ABLIM2: variants seen among roughly 807,000 people sequenced by gnomAD.
ABLIM2 encodes the protein actin-binding LIM protein 2.
ABLIM2 carries 53 observed loss-of-function variants against 97.7 expected under a neutral mutation model. The observed-to-expected ratio is 0.54, with a 90% CI of 0.44 to 0.68. The LOEUF is 0.68. ABLIM2 is among the 30% of genes least tolerant of loss of function. ABLIM2 has a pLI of 0.00. For missense variants in ABLIM2, 835 were observed against 867.2 expected, an observed-to-expected ratio of 0.96 and a Z score of 0.47; for synonymous variants, 361 against 345.8, an observed-to-expected ratio of 1.04 and a Z score of -0.49.
chr4:8,119,319 T>C (rs1844217693), intron 1 of ABLIM2, among the ~76,000 whole-genome samples: 2 of 141,036 alleles, frequency 1.4e-5, no homozygotes. Context: ...GTCTCGGGCT[T>C]CCTTCTTTTT....
chr4:8,140,979 G>T lies in ABLIM2; in HGVS notation c.10+17701C>A, dbSNP rs1850889219. On this transcript the variant is annotated intron_variant, in intron 1 of 20. Transcript: ENST00000447017. The surrounding 1 kb of genome is among the most constrained non-coding windows in gnomAD (Gnocchi z 5.9). Reference sequence around the variant, plus strand: ...CTGCAGCTGTGGGCTGGTCTCCAAGGCCACTGAACCTGACCTCAGGCTCAG... The same window carrying T: ...CTGCAGCTGTGGGCTGGTCTCCAAGTCCACTGAACCTGACCTCAGGCTCAG... Among the ~76,000 whole-genome samples the T allele has an allele frequency of 6.6e-6, 1 of 152,112 alleles. No individual in the cohort carries two copies. The highest frequency in any genetic ancestry group is 2.4e-5 in the African/African-American group (1 of 41,430).
chr4:8,035,732 G>C (rs1000703109), intron 10 of ABLIM2, among the ~76,000 whole-genome samples: 1 of 152,238 alleles, frequency 6.6e-6, no homozygotes, highest in Non-Finnish European at 1.5e-5. Flanking sequence ...TGGGGCAGAG[G>C]AGCATGGGGC....
At chr4:8,105,270 C>T (rs181582691) in intron 2 of ABLIM2, among the ~76,000 whole-genome samples, 41 of 133,670 alleles carry the variant, frequency 3.1e-4, no homozygotes, top group East Asian at 1.8e-3. Context: ...CTGTGGGCAT[C>T]CCCCCCTACA....
chr4:8,074,723 A>G (rs921519710), intron 6 of ABLIM2, among the ~76,000 whole-genome samples: 5 of 152,006 alleles, frequency 3.3e-5, no homozygotes, highest in Non-Finnish European at 7.4e-5. Context: ...TGATGGTTGT[A>G]AAAAACTGGA....
rs1052381446 is a variant in ABLIM2 at position 8,083,311 on chromosome 4, T to A, written c.455-2509A>T. Among the ~76,000 whole-genome samples the A allele has an allele frequency of 1.3e-5, 2 of 152,208 alleles. No homozygotes were observed. Among genetic ancestry groups the A allele is most frequent in the African/African-American group, 4.8e-5 (2 of 41,458 alleles). On this transcript the variant is annotated intron_variant, in intron 4 of 20. Transcript: ENST00000447017. The surrounding 1 kb of genome is among the most constrained non-coding windows in gnomAD (Gnocchi z 4.6). ...TCTGTGCCCCTGGAATGAGGGCACG[T>A]GTGATCCGTGAATAAATGCACACAC...
At chr4:8,138,799 T>C (rs544365632) in intron 1 of ABLIM2, among the ~76,000 whole-genome samples, 1 of 152,326 alleles carries the variant, frequency 6.6e-6, no homozygotes, top group South Asian at 2.1e-4. Context: ...GACACAGGTA[T>C]GGGCAAAGAT....
At chr4:8,158,546 TG>T in intron 1 of ABLIM2, 133 bp downstream of exon 1, 1 of 1,182,340 alleles carries the variant, frequency 8.5e-7, no homozygotes, top group Non-Finnish European at 1.2e-6. Flanking sequence ...TGCAAAATCC[TG>T]GAGCAAAAGT....
Position 7,992,876 on chromosome 4 carries a change from A to C in ABLIM2, c.1670T>G (p.Leu557Trp). ...DPLPGHGKNG[L>W]DQRNANLAPC... ...GGGGTCAGTACCTACCCGCTGGTCCAAGCCATTCTTTCCATGTCCTGGGAG... is the reference window on the plus strand; with the variant it reads ...GGGGTCAGTACCTACCCGCTGGTCCCAGCCATTCTTTCCATGTCCTGGGAG... The change falls in exon 17 of 21, where the codon TTG (leucine) becomes TGG (tryptophan). Residue 557 changes from leucine to tryptophan, a missense_variant. By Grantham distance (61) the Leu-to-Trp change is moderately conservative. Transcript: ENST00000447017. This position sits in a 1 kb window ranked among gnomAD's most constrained non-coding sequence, Gnocchi z 5.7. The C allele has an allele frequency of 3.1e-6, 5 of 1,612,902 alleles. No individual in the cohort carries two copies. The highest frequency in any genetic ancestry group is 4.2e-6 in the Non-Finnish European group (5 of 1,179,678).
intron 14 of ABLIM2, among the ~76,000 whole-genome samples, chr4:8,012,181 TCATC>T (rs1218636602): frequency 1.2e-4 from 15 of 122,146 alleles, no homozygotes; most frequent in African/African-American, 3.2e-4. Context: ...ATCTAACTAC[TCATC>T]CATCCATCTA....
At chr4:8,099,294 T>C (rs1833289748) in intron 2 of ABLIM2, among the ~76,000 whole-genome samples, 1 of 152,244 alleles carries the variant, frequency 6.6e-6, no homozygotes, top group African/African-American at 2.4e-5. Context: ...AGACAGTAGC[T>C]GGATGGTGAC....
intron 16 of ABLIM2, among the ~76,000 whole-genome samples, chr4:8,006,197 T>C (rs1439529477): frequency 6.6e-6 from 1 of 152,224 alleles, no homozygotes; most frequent in African/African-American, 2.4e-5. Flanking sequence ...GAAGGCCACA[T>C]GTGCAGGTCA....
intron 1 of ABLIM2, among the ~76,000 whole-genome samples, chr4:8,145,535 G>C (rs571631269): frequency 7.9e-5 from 12 of 152,132 alleles, no homozygotes; most frequent in African/African-American, 2.9e-4. Flanking sequence ...ATCCCACTCT[G>C]GTGAGCGCCG....
intron 20 of ABLIM2, among the ~76,000 whole-genome samples, chr4:7,969,681 T>C (rs1469975906): frequency 2.6e-5 from 4 of 151,022 alleles, no homozygotes. Flanking sequence ...GAATGCCATG[T>C]TTTAGTTGAA....
rs1849507589 is a variant in ABLIM2 at position 8,132,001 on chromosome 4, A to AGCCCGCATCCCCTGCACG, written c.11-25365_11-25364insCGTGCAGGGGATGCGGGC. 1.4e-5 allele frequency among the ~76,000 whole-genome samples: 2 copies of AGCCCGCATCCCCTGCACG among 143,278 alleles called. No homozygotes were observed. The highest frequency in any genetic ancestry group is 5.9e-5 in the African/African-American group (2 of 33,782). The allele number at this position is 143,278 out of a possible 152,430, so 94.0% of individuals were successfully genotyped here. On this transcript the variant is annotated intron_variant, in intron 1 of 20. Transcript: ENST00000447017. This position sits in a 1 kb window ranked among gnomAD's most constrained non-coding sequence, Gnocchi z 8.0. ...GCACGGCAGCCCGCATCCCCTGCAC[A>AGCCCGCATCCCCTGCACG]GCAGCCCGCATCCCCTGCACGGCAG... is the stretch of plus-strand genomic sequence containing the variant.
chr4:8,158,606 C>T, intron 1 of ABLIM2, 74 bp downstream of exon 1: 3 of 1,488,602 alleles, frequency 2.0e-6, no homozygotes, highest in Non-Finnish European at 2.7e-6. Flanking sequence ...GTGCAGCCTC[C>T]GAATGCCACC....
intron 20 of ABLIM2, among the ~76,000 whole-genome samples, chr4:7,979,951 G>A (rs1736672605): frequency 6.6e-6 from 1 of 152,220 alleles, no homozygotes; most frequent in Admixed American, 6.5e-5. Context: ...TGAGAGAGGT[G>A]AGGTAAAAGT....
chr4:8,086,743 A>C (rs1014611619), intron 4 of ABLIM2, among the ~76,000 whole-genome samples: 4 of 152,146 alleles, frequency 2.6e-5, no homozygotes, highest in Non-Finnish European at 5.9e-5. Context: ...TTTGATTACT[A>C]TCTGAATTTA....
At position 8,043,841 on chromosome 4, in the gene ABLIM2, C is replaced by A. The variant is rs1790326839; in HGVS notation, c.900+1323G>T. 6.6e-6 allele frequency among the ~76,000 whole-genome samples: 1 copy of A among 152,188 alleles called. No individual in the cohort carries two copies. Among genetic ancestry groups the A allele is most frequent in the South Asian group, 2.1e-4 (1 of 4,834 alleles). On this transcript the variant is annotated intron_variant, in intron 9 of 20. Coordinates refer to ENST00000447017, the MANE Select transcript of ABLIM2 (RefSeq NM_001130083.2). The surrounding 1 kb of genome is among the most constrained non-coding windows in gnomAD (Gnocchi z 4.8). ...CCACCCAGGCAGCGCCTCAGTGAGC[C>A]CTGGACCGAAGGTGCCTGGGGGTCT...
intron 1 of ABLIM2, among the ~76,000 whole-genome samples, chr4:8,154,386 A>T (rs1714513958): frequency 6.8e-6 from 1 of 147,312 alleles, no homozygotes; most frequent in Non-Finnish European, 1.5e-5. Context: ...GGTTCAAGCG[A>T]TTCTCCTGCC....
Sources: allele counts gnomAD v4.1 joint callset (sites outside exome capture counted in the v4.1 genomes callset), GRCh38; gene constraint gnomAD v4.1.1; non-coding constraint Gnocchi (gnomAD v3.1); transcripts MANE v1.5; gene names NCBI Gene and HGNC (gene_info 2026-07-23, HGNC 2026-07-21).